HEMK2: variants seen among roughly 807,000 people sequenced by gnomAD.
HEMK2 encodes HemK methyltransferase 2, ETF1 glutamine and histone H4 lysine.
the HEMK2 span, among the ~76,000 whole-genome samples, chr21:28,707,212 T>A: frequency 6.6e-6 from 1 of 152,084 alleles, no homozygotes; most frequent in Non-Finnish European, 1.5e-5. Context: ...GAAAATTTAC[T>A]ATATTTTCCA....
chr21:28,786,194 C>A, the HEMK2 span, among the ~76,000 whole-genome samples: 2 of 152,170 alleles, frequency 1.3e-5, no homozygotes, highest in African/African-American at 4.8e-5. Flanking sequence ...AATCACACCG[C>A]CATGTTTCAA....
At chr21:28,658,865 T>C in the HEMK2 span, among the ~76,000 whole-genome samples, 5 of 152,132 alleles carry the variant, frequency 3.3e-5, no homozygotes, top group Non-Finnish European at 5.9e-5. Flanking sequence ...TTTCATCTTG[T>C]TAAACCTGGT....
At chr21:28,622,004 CT>C in the HEMK2 span, among the ~76,000 whole-genome samples, 10 of 151,944 alleles carry the variant, frequency 6.6e-5, no homozygotes, top group East Asian at 1.9e-4. Context: ...GCAAGCCCTG[CT>C]TTTTTTTGCT....
At chr21:28,838,998 T>TATATATATATATATAC in the HEMK2 span, among the ~76,000 whole-genome samples, 3 of 57,962 alleles carry the variant, frequency 5.2e-5, no homozygotes, top group Non-Finnish European at 8.3e-5. Context: ...TATATATATA[T>TATATATATATATATAC]ATACATATAT....
the HEMK2 span, among the ~76,000 whole-genome samples, chr21:28,591,442 T>C: frequency 2.0e-5 from 3 of 152,158 alleles, no homozygotes; most frequent in African/African-American, 4.8e-5. Context: ...TGAAGAATTT[T>C]GCACGTCAAG....
chr21:28,714,587 G>A, the HEMK2 span, among the ~76,000 whole-genome samples: 2 of 152,204 alleles, frequency 1.3e-5, no homozygotes. Context: ...TGGTTAATGA[G>A]TGTCTACTGT....
the HEMK2 span, among the ~76,000 whole-genome samples, chr21:28,756,743 A>T: frequency 0.19 from 29,435 of 152,134 alleles, 3,561 homozygotes; most frequent in African/African-American, 0.34. Context: ...CCTGCTATAA[A>T]TAAGAAAGGA....
the HEMK2 span, among the ~76,000 whole-genome samples, chr21:28,732,179 C>T: frequency 7.3e-3 from 1,111 of 152,310 alleles, 19 homozygotes; most frequent in African/African-American, 0.025. Context: ...GCCCTACATG[C>T]TGCATAGAAG....
the HEMK2 span, chr21:28,876,616 T>C: frequency 4.3e-5 from 24 of 564,496 alleles, no homozygotes; most frequent in South Asian, 1.4e-4. Context: ...ACAATGTATA[T>C]CAAATAAATG....
At chr21:28,753,426 A>G in the HEMK2 span, among the ~76,000 whole-genome samples, 23 of 152,054 alleles carry the variant, frequency 1.5e-4, no homozygotes, top group Admixed American at 1.4e-3. Context: ...AGTGCCTGCA[A>G]TACTAGAGCA....
the HEMK2 span, among the ~76,000 whole-genome samples, chr21:28,848,545 G>C: frequency 2.0e-5 from 3 of 152,124 alleles, no homozygotes; most frequent in Admixed American, 2.0e-4. Flanking sequence ...AATTAAAATA[G>C]TTTTAGCATT....
At chr21:28,745,830 A>G in the HEMK2 span, among the ~76,000 whole-genome samples, 1 of 152,228 alleles carries the variant, frequency 6.6e-6, no homozygotes, top group African/African-American at 2.4e-5. Flanking sequence ...ATCCTATCCC[A>G]GCATGTATAC....
the HEMK2 span, among the ~76,000 whole-genome samples, chr21:28,673,067 G>C: frequency 6.8e-6 from 1 of 147,720 alleles, no homozygotes; most frequent in South Asian, 2.1e-4. Context: ...AAAGAAAAGA[G>C]AAGAGAGAGA....
chr21:28,661,775 G>A, the HEMK2 span, among the ~76,000 whole-genome samples: 6 of 152,104 alleles, frequency 3.9e-5, no homozygotes, highest in South Asian at 2.1e-4. Context: ...CAGTAGCCAC[G>A]TGTGGCTATT....
chr21:28,740,682 C>G, the HEMK2 span, among the ~76,000 whole-genome samples: 1 of 152,170 alleles, frequency 6.6e-6, no homozygotes, highest in South Asian at 2.1e-4. Flanking sequence ...CTATCTTTAC[C>G]TGACCCAGAA....
chr21:28,667,364 G>T, the HEMK2 span, among the ~76,000 whole-genome samples: 1 of 152,100 alleles, frequency 6.6e-6, no homozygotes, highest in Non-Finnish European at 1.5e-5. Flanking sequence ...TTTGATGAAA[G>T]AATTAGAATA....
At chr21:28,720,690 G>A in the HEMK2 span, among the ~76,000 whole-genome samples, 1 of 152,040 alleles carries the variant, frequency 6.6e-6, no homozygotes, top group Admixed American at 6.5e-5. Context: ...CCGAGATTGC[G>A]CCACTGCACT....
the HEMK2 span, among the ~76,000 whole-genome samples, chr21:28,636,352 C>T: frequency 6.6e-6 from 1 of 152,084 alleles, no homozygotes; most frequent in Non-Finnish European, 1.5e-5. Flanking sequence ...TCTATTTTGC[C>T]CTCTTTTGTA....
the HEMK2 span, among the ~76,000 whole-genome samples, chr21:28,836,389 G>A: frequency 6.6e-6 from 1 of 152,140 alleles, no homozygotes; most frequent in East Asian, 1.9e-4. Flanking sequence ...GAAAAACTAA[G>A]CATCATATAT....
Sources: allele counts gnomAD v4.1 joint callset (sites outside exome capture counted in the v4.1 genomes callset), GRCh38; gene constraint gnomAD v4.1.1; transcripts MANE v1.5; gene names NCBI Gene and HGNC (gene_info 2026-07-23, HGNC 2026-07-21).